Variants in ST6GALNAC3 observed in about 807,000 individuals in gnomAD.
ST6GALNAC3 encodes the protein alpha-N-acetylgalactosaminide alpha-2,6-sialyltransferase 3.
In ST6GALNAC3, 25 loss-of-function variants were observed where a neutral mutation model predicts 32.7. The ratio of observed to expected loss-of-function variants is 0.76; its 90% CI spans 0.56 to 1.07. The LOEUF (loss-of-function observed/expected upper bound fraction) is 1.07, where lower values mean the gene tolerates loss of function less well. ST6GALNAC3 is among the 50% of genes least tolerant of loss of function. ST6GALNAC3 has a pLI of 0.00. For missense variants in ST6GALNAC3, 355 were observed against 382.4 expected, an observed-to-expected ratio of 0.93 and a Z score of 0.60; for synonymous variants, 129 against 133.1, an observed-to-expected ratio of 0.97 and a Z score of 0.21.
intron 1 of ST6GALNAC3, among the ~76,000 whole-genome samples, chr1:76,281,916 G>A (rs1199579900): frequency 3.9e-5 from 6 of 152,080 alleles, no homozygotes; most frequent in South Asian, 2.1e-4. Flanking sequence ...TGCTGTAGTG[G>A]GCACTTCTAT....
chr1:76,525,838 G>C (rs1662880169), intron 3 of ST6GALNAC3, among the ~76,000 whole-genome samples: 1 of 82,292 alleles, frequency 1.2e-5, no homozygotes, highest in African/African-American at 3.6e-5. Flanking sequence ...TGACCGTTTT[G>C]CAGGGACTAA....
intron 1 of ST6GALNAC3, among the ~76,000 whole-genome samples, chr1:76,129,809 T>C (rs2100861744): frequency 6.6e-6 from 1 of 152,326 alleles, no homozygotes; most frequent in South Asian, 2.1e-4. Context: ...AGGTGTCAGC[T>C]GCTGTGAGGC....
intron 2 of ST6GALNAC3, among the ~76,000 whole-genome samples, chr1:76,339,496 G>T (rs1647779944): frequency 6.6e-6 from 1 of 152,140 alleles, no homozygotes; most frequent in Non-Finnish European, 1.5e-5. Context: ...TTTTATACTT[G>T]TGATCTCCAT....
intron 1 of ST6GALNAC3, among the ~76,000 whole-genome samples, chr1:76,193,488 T>C (rs1348410851): frequency 6.6e-6 from 1 of 152,148 alleles, no homozygotes; most frequent in African/African-American, 2.4e-5. Context: ...TATATTTATT[T>C]GAATAAATAT....
At chr1:76,171,276 A>G (rs887863981) in intron 1 of ST6GALNAC3, among the ~76,000 whole-genome samples, 7 of 152,142 alleles carry the variant, frequency 4.6e-5, no homozygotes, top group African/African-American at 1.7e-4. Context: ...AGGGTTCTGT[A>G]TTAAATTTAA....
rs771765935 is a variant in ST6GALNAC3 at position 76,628,794 on chromosome 1, G to C, written c.906G>C (p.Trp302Cys). ...KHRIIFTHPNWTLS is the reference protein window; with the variant it reads ...KHRIIFTHPNCTLS Reference sequence around the variant, plus strand: ...GGATAATATTTACACATCCAAACTGGACATTGTCTTGATAATGGTTTTCCT... The same window carrying C: ...GGATAATATTTACACATCCAAACTGCACATTGTCTTGATAATGGTTTTCCT... Residue 302 changes from tryptophan (W) to cysteine (C), a missense_variant, in exon 5 of 5, where the codon TGG (tryptophan) becomes TGC (cysteine). Physicochemically the swap from Trp to Cys is radical, Grantham distance 215. Transcript: ENST00000328299. 18 of 1,610,796 alleles carry C rather than the reference G, an allele frequency of 1.1e-5. No individual in the cohort carries two copies. The highest frequency in any genetic ancestry group is 1.3e-5 in the Non-Finnish European group (15 of 1,178,396).
At chr1:76,343,584 A>G (rs1452614018) in intron 2 of ST6GALNAC3, among the ~76,000 whole-genome samples, 1 of 152,186 alleles carries the variant, frequency 6.6e-6, no homozygotes, top group African/African-American at 2.4e-5. Flanking sequence ...ACCCTTTGGA[A>G]CCATGGTCTG....
intron 1 of ST6GALNAC3, among the ~76,000 whole-genome samples, chr1:76,096,033 A>T (rs555230309): frequency 6.6e-6 from 1 of 152,300 alleles, no homozygotes; most frequent in East Asian, 1.9e-4. Flanking sequence ...AACCCAGCCC[A>T]GGCAGAGATT....
chr1:76,474,218 T>G (rs937929794), intron 3 of ST6GALNAC3, among the ~76,000 whole-genome samples: 1 of 152,156 alleles, frequency 6.6e-6, no homozygotes. Flanking sequence ...CAGAATAGTT[T>G]TGAGAGCTTT....
chr1:76,368,721 A>G (rs1226345497), intron 2 of ST6GALNAC3, among the ~76,000 whole-genome samples: 1 of 152,224 alleles, frequency 6.6e-6, no homozygotes, highest in Admixed American at 6.5e-5. Context: ...TAATTCTAGC[A>G]GGTGAAATTA....
intron 3 of ST6GALNAC3, among the ~76,000 whole-genome samples, chr1:76,482,357 C>A: frequency 6.6e-6 from 1 of 152,064 alleles, no homozygotes; most frequent in Non-Finnish European, 1.5e-5. Context: ...GTTCACATAC[C>A]CGTATTAAGT....
rs1175699522 is a variant in ST6GALNAC3, at chr1:76,591,840, GGC to G, written c.624-35611_624-35610del. On this transcript the variant is annotated intron_variant, in intron 3 of 4. Transcript: ENST00000328299. ...GACGTTCCAGAAGAACATGTACTAG[GGC>G]ACCTCATCTATGTCCCTAGGACCTA... Among the ~76,000 whole-genome samples the G allele has an allele frequency of 6.6e-5, 10 of 152,156 alleles. No homozygotes were observed. The East Asian group carries it at 1.9e-3, about 29-fold the overall frequency.
chr1:76,361,516 G>A (rs1297600467), intron 2 of ST6GALNAC3, among the ~76,000 whole-genome samples: 1 of 151,986 alleles, frequency 6.6e-6, no homozygotes, highest in Non-Finnish European at 1.5e-5. Context: ...TGACTATTGT[G>A]AATTTCTTTT....
intron 3 of ST6GALNAC3, among the ~76,000 whole-genome samples, chr1:76,473,944 GA>G (rs905068529): frequency 2.2e-4 from 32 of 146,766 alleles, no homozygotes; most frequent in South Asian, 4.4e-4. Context: ...GAGCTAACAA[GA>G]AAAAAAAAAG....
chr1:76,277,475 G>C (rs1050435662), intron 1 of ST6GALNAC3, among the ~76,000 whole-genome samples: 1 of 148,778 alleles, frequency 6.7e-6, no homozygotes, highest in Non-Finnish European at 1.5e-5. Context: ...GATGGAATAA[G>C]ACCCCCTCCT....
At chr1:76,416,069 A>T (rs1346902619) in intron 3 of ST6GALNAC3, among the ~76,000 whole-genome samples, 7 of 151,286 alleles carry the variant, frequency 4.6e-5, no homozygotes, top group Non-Finnish European at 8.8e-5. Flanking sequence ...ACACACACAC[A>T]CACACATAAT....
At chr1:76,471,308 A>G (rs910419496) in intron 3 of ST6GALNAC3, among the ~76,000 whole-genome samples, 4 of 152,230 alleles carry the variant, frequency 2.6e-5, no homozygotes, top group African/African-American at 7.2e-5. Flanking sequence ...TGTCTATAGC[A>G]CTTAACATGA....
intron 1 of ST6GALNAC3, among the ~76,000 whole-genome samples, chr1:76,221,579 G>A (rs572949549): frequency 6.6e-6 from 1 of 152,214 alleles, no homozygotes; most frequent in East Asian, 1.9e-4. Flanking sequence ...ACCATCTTCT[G>A]TCCTTCATTC....
chr1:76,443,975 A>G (rs1304548409), intron 3 of ST6GALNAC3, among the ~76,000 whole-genome samples: 1 of 152,186 alleles, frequency 6.6e-6, no homozygotes, highest in Non-Finnish European at 1.5e-5. Flanking sequence ...CTCAACACAC[A>G]TTTTCATTAG....
Sources: gnomAD v4.1 joint callset for allele counts (sites outside exome capture counted in the v4.1 genomes callset) on GRCh38, gnomAD v4.1.1 for gene constraint, MANE v1.5 for transcripts, NCBI Gene and HGNC (gene_info 2026-07-23, HGNC 2026-07-21) for gene names.